The following PRKN variants were observed in gnomAD, a reference collection of about 807,000 sequenced individuals.
PRKN encodes parkin RBR E3 ubiquitin protein ligase, also known as E3 ubiquitin-protein ligase parkin.
A neutral mutation model predicts 59.5 loss-of-function variants in PRKN; 56 were observed. The ratio of observed to expected loss-of-function variants is 0.94; its 90% CI spans 0.76 to 1.18. PRKN has a LOEUF of 1.18. PRKN is among the 50% of genes most tolerant of loss of function. The pLI is 0.00. For synonymous variants in PRKN, 250 were observed against 222.1 expected (o/e 1.13, Z -1.12); for missense variants, 657 against 596.4 (o/e 1.10, Z -1.06).
At chr6:162,502,495 G>T (rs1423341483) in intron 1 of PRKN, among the ~76,000 whole-genome samples, 1 of 152,104 alleles carries the variant, frequency 6.6e-6, no homozygotes, top group East Asian at 1.9e-4. Flanking sequence ...GTGTGGGCAG[G>T]CTTCACTAAA....
intron 9 of PRKN, among the ~76,000 whole-genome samples, chr6:161,433,411 ACT>A (rs1293129654): frequency 1.3e-5 from 2 of 152,218 alleles, no homozygotes; most frequent in East Asian, 3.8e-4. Flanking sequence ...AATTTTAATA[ACT>A]CAAGTAGGAA....
At chr6:161,626,019 A>C (rs145828485) in intron 7 of PRKN, among the ~76,000 whole-genome samples, 3 of 152,342 alleles carry the variant, frequency 2.0e-5, no homozygotes, top group African/African-American at 7.2e-5. Flanking sequence ...ACATCTGTAC[A>C]TCATCTGATC....
At chr6:161,752,715 C>T (rs1342341462) in intron 7 of PRKN, among the ~76,000 whole-genome samples, 4 of 152,112 alleles carry the variant, frequency 2.6e-5, no homozygotes, top group South Asian at 2.1e-4. Context: ...AAAAAACATG[C>T]TGGCTTTTGT....
chr6:161,849,990 T>C (rs1242772408), intron 6 of PRKN, among the ~76,000 whole-genome samples: 2 of 151,952 alleles, frequency 1.3e-5, no homozygotes, highest in African/African-American at 4.8e-5. Context: ...GTCCCAAGGA[T>C]AGAGTAAGCA....
rs1232664973 is a variant in PRKN at position 161,462,449 on chromosome 6, T to C, written c.1084-75572A>G. ...CTTCCATTACCTTGAAGCTAATGAC[T>C]AGCTAAATTAGTTATATGGCCCAAA... On this transcript the variant is annotated intron_variant, in intron 9 of 11. Transcript: ENST00000366898. The surrounding 1 kb of genome is among the most constrained non-coding windows in gnomAD (Gnocchi z 4.5). Among the ~76,000 whole-genome samples, 1 of 152,178 alleles carries C rather than the reference T, an allele frequency of 6.6e-6. No homozygotes were observed. The highest frequency in any genetic ancestry group is 2.4e-5 in the African/African-American group (1 of 41,446).
chr6:161,879,548 G>A (rs1050355575), intron 6 of PRKN, among the ~76,000 whole-genome samples: 25 of 151,888 alleles, frequency 1.6e-4, no homozygotes, highest in African/African-American at 2.2e-4. Context: ...AGGTTTCACC[G>A]TGTTAACCAG....
intron 1 of PRKN, among the ~76,000 whole-genome samples, chr6:162,477,412 C>T (rs371658343): frequency 2.2e-4 from 34 of 152,266 alleles, no homozygotes; most frequent in African/African-American, 5.3e-4. Flanking sequence ...CACTGATGCA[C>T]GAGTTTCCAT....
intron 6 of PRKN, among the ~76,000 whole-genome samples, chr6:161,879,488 T>C (rs1453746236): frequency 6.6e-6 from 1 of 151,938 alleles, no homozygotes; most frequent in Non-Finnish European, 1.5e-5. Flanking sequence ...GCTGGGACTA[T>C]AGGCGTGAGC....
intron 1 of PRKN, among the ~76,000 whole-genome samples, chr6:162,471,342 C>A (rs1157947098): frequency 1.3e-5 from 2 of 152,144 alleles, no homozygotes; most frequent in Admixed American, 6.6e-5. Context: ...AGGTGATTCA[C>A]CTGCCTCAGC....
intron 1 of PRKN, among the ~76,000 whole-genome samples, chr6:162,629,299 A>AAGTTT (rs1783012680): frequency 1.3e-5 from 2 of 152,170 alleles, no homozygotes; most frequent in South Asian, 4.1e-4. Flanking sequence ...ATGTGGAAAA[A>AAGTTT]TAACTAATAC....
At chr6:162,591,579 G>T (rs2803059) in intron 1 of PRKN, among the ~76,000 whole-genome samples, 55,270 of 151,818 alleles carry the variant, frequency 0.36, 11,094 homozygotes, top group Non-Finnish European at 0.46. Context: ...TCTCTTCTGT[G>T]TACTCTGAAA....
intron 2 of PRKN, among the ~76,000 whole-genome samples, chr6:162,385,632 A>G (rs1370689522): frequency 1.3e-5 from 2 of 151,976 alleles, no homozygotes; most frequent in Non-Finnish European, 2.9e-5. Flanking sequence ...TCATCTTCAC[A>G]AGGCTGACCA....
At chr6:161,821,964 G>T in intron 6 of PRKN, among the ~76,000 whole-genome samples, 1 of 151,902 alleles carries the variant, frequency 6.6e-6, no homozygotes. Flanking sequence ...GACCAGGCTG[G>T]TCTTGAACTC....
intron 2 of PRKN, among the ~76,000 whole-genome samples, chr6:162,306,376 C>G (rs138136015): frequency 5.9e-5 from 9 of 152,158 alleles, no homozygotes; most frequent in Admixed American, 2.0e-4. Context: ...GTGTTAACCC[C>G]TATGGGGCAA....
chr6:161,938,793 T>C (rs77557148), intron 6 of PRKN, among the ~76,000 whole-genome samples: 1,958 of 152,306 alleles, frequency 0.013, 44 homozygotes, highest in African/African-American at 0.043. Context: ...ATTTTGTCTA[T>C]GTTTTAGAAA....
At chr6:162,710,223 T>C (rs1356319302) in intron 1 of PRKN, among the ~76,000 whole-genome samples, 1 of 152,068 alleles carries the variant, frequency 6.6e-6, no homozygotes, top group Non-Finnish European at 1.5e-5. Context: ...ATGTGCCTTG[T>C]TGATTAACAC....
chr6:161,669,543 G>A (rs1465772403), intron 7 of PRKN, among the ~76,000 whole-genome samples: 1 of 152,226 alleles, frequency 6.6e-6, no homozygotes, highest in Non-Finnish European at 1.5e-5. Flanking sequence ...TGTAATGGAA[G>A]CAAAATTCAC....
intron 7 of PRKN, among the ~76,000 whole-genome samples, chr6:161,664,552 T>C (rs1228732032): frequency 2.0e-5 from 3 of 152,030 alleles, no homozygotes; most frequent in Admixed American, 2.0e-4. Context: ...AATCCTAGGG[T>C]AAAATATTAA....
At chr6:162,530,250 A>G (rs1778457716) in intron 1 of PRKN, among the ~76,000 whole-genome samples, 1 of 152,136 alleles carries the variant, frequency 6.6e-6, no homozygotes, top group Non-Finnish European at 1.5e-5. Context: ...GATGGGGCGG[A>G]GAATTATCTT....
Sources: gnomAD v4.1 joint callset for allele counts (sites outside exome capture counted in the v4.1 genomes callset) on GRCh38, gnomAD v4.1.1 for gene constraint, Gnocchi (gnomAD v3.1) non-coding constraint, MANE v1.5 for transcripts, NCBI Gene and HGNC (gene_info 2026-07-23, HGNC 2026-07-21) for gene names.